Variants in CMIP observed in about 807,000 individuals in gnomAD.
CMIP encodes C-Maf-inducing protein.
Under a neutral mutation model 97.3 loss-of-function variants are expected in CMIP, and 13 were observed. That is an observed-to-expected ratio of 0.13 (90% CI 0.09 to 0.21). The LOEUF (loss-of-function observed/expected upper bound fraction) is 0.21, where lower values mean the gene tolerates loss of function less well. Ranked by LOEUF, CMIP falls within the 10% of genes least tolerant of loss-of-function variation. CMIP has a pLI of 1.00. For synonymous variants in CMIP, 538 were observed against 436.3 expected (o/e 1.23, Z -2.91); for missense variants, 847 against 1,024.9 (o/e 0.83, Z 2.37).
rs1391188593 is a variant in CMIP at position 81,648,163 on chromosome 16, G to A, written c.478-4040G>A. Among the ~76,000 whole-genome samples the A allele has an allele frequency of 5.3e-5, 7 of 133,126 alleles. No individual in the cohort carries two copies. The East Asian group carries it at 6.8e-4, about 13-fold the overall frequency. The allele number at this position is 133,126 out of a possible 152,430, so 87.3% of individuals were successfully genotyped here. A position where few individuals can be genotyped will look rare whatever the true frequency, so the allele number is the denominator to read the frequency against. On this transcript the variant is annotated intron_variant, in intron 3 of 20. Transcript: ENST00000537098. ...CTTGACACTTCTTCAGGATCTCTTG[G>A]CAAATCTGATATCCTCTTCACCCGA...
At chr16:81,504,420 A>T (rs950460729) in intron 1 of CMIP, among the ~76,000 whole-genome samples, 2 of 152,032 alleles carry the variant, frequency 1.3e-5, no homozygotes, top group Non-Finnish European at 2.9e-5. Flanking sequence ...AGGCAGGTGG[A>T]TCACTTGAGG....
intron 10 of CMIP, among the ~76,000 whole-genome samples, chr16:81,683,018 C>T (rs188520541): frequency 5.6e-4 from 86 of 152,300 alleles, no homozygotes; most frequent in African/African-American, 1.9e-3. Flanking sequence ...CTGCTGGGCA[C>T]CTATGTATGA....
chr16:81,446,247 A>G (rs578231677), intron 1 of CMIP, among the ~76,000 whole-genome samples: 2 of 151,938 alleles, frequency 1.3e-5, no homozygotes, highest in East Asian at 1.9e-4. Context: ...TTGTCTGTAG[A>G]GTGTGTGTAT....
intron 1 of CMIP, among the ~76,000 whole-genome samples, chr16:81,607,193 G>A (rs1376538933): frequency 6.6e-6 from 1 of 152,230 alleles, no homozygotes; most frequent in Non-Finnish European, 1.5e-5. Context: ...AGAGAAATCG[G>A]TGCTTTCTGG....
intron 1 of CMIP, among the ~76,000 whole-genome samples, chr16:81,482,732 G>T (rs1330489393): frequency 6.6e-6 from 1 of 152,244 alleles, no homozygotes; most frequent in African/African-American, 2.4e-5. Context: ...GCTGGAGAAG[G>T]TGACAAACCC....
At chr16:81,539,493 C>G (rs2090408627) in intron 1 of CMIP, among the ~76,000 whole-genome samples, 1 of 152,234 alleles carries the variant, frequency 6.6e-6, no homozygotes, top group South Asian at 2.1e-4. Flanking sequence ...CTCCACATCT[C>G]TGCTCAAGAA....
intron 1 of CMIP, among the ~76,000 whole-genome samples, chr16:81,530,024 G>A (rs1416320903): frequency 6.6e-6 from 1 of 152,218 alleles, no homozygotes; most frequent in Non-Finnish European, 1.5e-5. Context: ...TGAGAGGATA[G>A]GGTTTTTGGC....
chr16:81,645,948 G>A (rs1199061877), intron 3 of CMIP, among the ~76,000 whole-genome samples: 1 of 152,160 alleles, frequency 6.6e-6, no homozygotes, highest in Non-Finnish European at 1.5e-5. Context: ...CATGAGCACC[G>A]GGGCTTGTCT....
intron 1 of CMIP, among the ~76,000 whole-genome samples, chr16:81,565,571 G>A (rs533832559): frequency 1.3e-4 from 20 of 152,278 alleles, no homozygotes; most frequent in African/African-American, 3.8e-4. Context: ...GTGGGCTCAG[G>A]CAGATGCTGA....
At chr16:81,549,279 A>G (rs2090608191) in intron 1 of CMIP, among the ~76,000 whole-genome samples, 1 of 152,156 alleles carries the variant, frequency 6.6e-6, no homozygotes, top group South Asian at 2.1e-4. Context: ...GCAATGATTA[A>G]CCTGGTTGAG....
intron 1 of CMIP, among the ~76,000 whole-genome samples, chr16:81,522,293 C>G (rs1353854060): frequency 6.6e-6 from 1 of 152,100 alleles, no homozygotes; most frequent in Non-Finnish European, 1.5e-5. Context: ...GGTGGCCACA[C>G]CTGGATTGAC....
chr16:81,529,741 G>A (rs2090196767), intron 1 of CMIP, among the ~76,000 whole-genome samples: 1 of 152,172 alleles, frequency 6.6e-6, no homozygotes, highest in Admixed American at 6.5e-5. Context: ...TGCAATTCCC[G>A]GCTTTAAGAT....
chr16:81,482,424 G>A (rs539828474), intron 1 of CMIP, among the ~76,000 whole-genome samples: 1 of 152,316 alleles, frequency 6.6e-6, no homozygotes, highest in South Asian at 2.1e-4. Context: ...GGCTTTGGAG[G>A]GGTGCTGGGC....
chr16:81,580,580 T>A (rs1243677242), intron 1 of CMIP, among the ~76,000 whole-genome samples: 1 of 151,746 alleles, frequency 6.6e-6, no homozygotes, highest in Non-Finnish European at 1.5e-5. Flanking sequence ...ACTATATAGA[T>A]GCCTGCCACC....
At chr16:81,497,007 C>T (rs1038823088) in intron 1 of CMIP, among the ~76,000 whole-genome samples, 4 of 152,234 alleles carry the variant, frequency 2.6e-5, no homozygotes, top group African/African-American at 9.6e-5. Context: ...CACAGATGCC[C>T]TGATGCTGGG....
Position 81,621,128 on chromosome 16 carries a change from G to A in CMIP, c.477+202G>A. ...TCCTGTCCCCTGCAGTGCTGAAATA[G>A]CATTCTCGCCCTGGTGTTCTCAAAC... is the stretch of plus-strand genomic sequence containing the variant. On this transcript the variant is annotated intron_variant, in intron 3 of 20. Transcript: ENST00000537098. The surrounding 1 kb of genome is among the most constrained non-coding windows in gnomAD (Gnocchi z 4.1). 1 of 564,336 alleles carries A rather than the reference G, an allele frequency of 1.8e-6. No individual in the cohort carries two copies. Among genetic ancestry groups the A allele is most frequent in the Non-Finnish European group, 3.2e-6 (1 of 315,968 alleles). 35.0% of individuals were successfully genotyped at this position (564,336 alleles called of 1,614,324 possible).
intron 1 of CMIP, among the ~76,000 whole-genome samples, chr16:81,461,364 G>C (rs142775001): frequency 4.6e-5 from 7 of 152,314 alleles, no homozygotes; most frequent in African/African-American, 1.7e-4. Flanking sequence ...AGTTGGAAGA[G>C]AACTTGAAGT....
chr16:81,540,712 G>C (rs1303332024), intron 1 of CMIP, among the ~76,000 whole-genome samples: 2 of 145,174 alleles, frequency 1.4e-5, no homozygotes, highest in Admixed American at 6.9e-5. Context: ...ACAGAGTCTC[G>C]GTCTGTTGCC....
At chr16:81,654,840 C>T (rs990276923) in intron 4 of CMIP, among the ~76,000 whole-genome samples, 1 of 152,130 alleles carries the variant, frequency 6.6e-6, no homozygotes. Flanking sequence ...GAGATAAACC[C>T]GGGTTGGTAG....
Sources: gnomAD v4.1 joint callset for allele counts (sites outside exome capture counted in the v4.1 genomes callset) on GRCh38, gnomAD v4.1.1 for gene constraint, Gnocchi (gnomAD v3.1) non-coding constraint, MANE v1.5 for transcripts, NCBI Gene and HGNC (gene_info 2026-07-23, HGNC 2026-07-21) for gene names.